MSRA: variants seen among roughly 807,000 people sequenced by gnomAD.
MSRA encodes methionine sulfoxide reductase A.
Under a neutral mutation model 31.3 loss-of-function variants are expected in MSRA, and 54 were observed. That is an observed-to-expected ratio of 1.73 (90% CI 1.39 to 2.17). The LOEUF (loss-of-function observed/expected upper bound fraction) is 2.17, where lower values mean the gene tolerates loss of function less well. MSRA is among the 30% of genes most tolerant of loss of function. MSRA has a pLI of 0.00. For missense variants in MSRA, 507 were observed against 300.9 expected, an observed-to-expected ratio of 1.69 and a Z score of -5.07; for synonymous variants, 169 against 116.5, an observed-to-expected ratio of 1.45 and a Z score of -2.90.
chr8:10,117,948 T>C (rs1800805925), intron 1 of MSRA, among the ~76,000 whole-genome samples: 1 of 152,132 alleles, frequency 6.6e-6, no homozygotes, highest in Non-Finnish European at 1.5e-5. Flanking sequence ...ATGCTGAAGG[T>C]AGAACATAAA....
At chr8:10,107,924 T>A (rs986278453) in intron 1 of MSRA, among the ~76,000 whole-genome samples, 1 of 152,152 alleles carries the variant, frequency 6.6e-6, no homozygotes, top group African/African-American at 2.4e-5. Flanking sequence ...TAGTTTGCCT[T>A]TACAGTGTTT....
At chr8:10,287,034 C>A (rs1002466317) in intron 3 of MSRA, among the ~76,000 whole-genome samples, 2 of 152,312 alleles carry the variant, frequency 1.3e-5, no homozygotes, top group South Asian at 4.1e-4. Context: ...GGCACAGTTT[C>A]CCAGCACTTC....
chr8:10,095,945 A>G (rs1209689476), intron 1 of MSRA: 42 of 1,356,072 alleles, frequency 3.1e-5, no homozygotes, highest in Non-Finnish European at 3.5e-5. Context: ...ATTTCTAATT[A>G]GAGGGAATAT....
At chr8:10,320,899 G>C (rs1400280780) in intron 5 of MSRA, among the ~76,000 whole-genome samples, 1 of 152,080 alleles carries the variant, frequency 6.6e-6, no homozygotes, top group Non-Finnish European at 1.5e-5. Flanking sequence ...AGTCATATTG[G>C]CTTAGTGCTA....
intron 3 of MSRA, among the ~76,000 whole-genome samples, chr8:10,261,176 T>C (rs1798461284): frequency 6.6e-6 from 1 of 152,218 alleles, no homozygotes; most frequent in Non-Finnish European, 1.5e-5. Flanking sequence ...TACCTTTTTA[T>C]TTATGGTAAA....
intron 5 of MSRA, among the ~76,000 whole-genome samples, chr8:10,423,519 G>A (rs1380392776): frequency 1.3e-5 from 2 of 152,122 alleles, no homozygotes; most frequent in Non-Finnish European, 2.9e-5. Context: ...GGCGGGGAGG[G>A]GGGGTGGCAG....
chr8:10,339,235 A>G (rs564251434), intron 5 of MSRA, among the ~76,000 whole-genome samples: 1 of 152,332 alleles, frequency 6.6e-6, no homozygotes, highest in East Asian at 1.9e-4. Flanking sequence ...TGCAGTTTGT[A>G]AAACTCTTAC....
chr8:10,224,635 C>T (rs1019685509), intron 2 of MSRA, among the ~76,000 whole-genome samples: 3 of 152,066 alleles, frequency 2.0e-5, no homozygotes, highest in African/African-American at 7.2e-5. Context: ...GCTGAGAGTC[C>T]CTCTACTGAC....
At chr8:10,122,248 C>G (rs1801177054) in intron 1 of MSRA, among the ~76,000 whole-genome samples, 1 of 152,032 alleles carries the variant, frequency 6.6e-6, no homozygotes, top group African/African-American at 2.4e-5. Flanking sequence ...TTCCTGAAAC[C>G]TGTGGAGGAA....
chr8:10,323,983 C>G (rs906135591), intron 5 of MSRA, among the ~76,000 whole-genome samples: 1 of 152,198 alleles, frequency 6.6e-6, no homozygotes, highest in Admixed American at 6.5e-5. Flanking sequence ...ATAAATAAAA[C>G]TGACCCTAGA....
At chr8:10,084,321 TTGCGGCCCTC>T (rs1798444107) in intron 1 of MSRA, among the ~76,000 whole-genome samples, 1 of 152,260 alleles carries the variant, frequency 6.6e-6, no homozygotes, top group African/African-American at 2.4e-5. Context: ...AGCTCCTGCT[TTGCGGCCCTC>T]TGCTGCCTGC....
At chr8:10,344,912 GTTC>G (rs764619858) in intron 5 of MSRA, among the ~76,000 whole-genome samples, 3 of 152,122 alleles carry the variant, frequency 2.0e-5, no homozygotes, top group Non-Finnish European at 2.9e-5. Flanking sequence ...AAAAATAATT[GTTC>G]TTGTGATTCT....
chr8:10,406,615 A>C (rs1388728946), intron 5 of MSRA, among the ~76,000 whole-genome samples: 3 of 152,242 alleles, frequency 2.0e-5, no homozygotes, highest in East Asian at 1.9e-4. Flanking sequence ...GGTGCTGGCC[A>C]GTCTGTTGCT....
At chr8:10,398,132 A>G (rs915139705) in intron 5 of MSRA, among the ~76,000 whole-genome samples, 1 of 152,234 alleles carries the variant, frequency 6.6e-6, no homozygotes, top group Non-Finnish European at 1.5e-5. Flanking sequence ...TACAATGGTA[A>G]CATTCATCAA....
chr8:10,213,561 C>T (rs554607038), intron 2 of MSRA, among the ~76,000 whole-genome samples: 65 of 151,638 alleles, frequency 4.3e-4, no homozygotes, highest in African/African-American at 1.5e-3. Flanking sequence ...CTCAGCTTCC[C>T]GAGTAGCTGG....
At chr8:10,389,215 G>A (rs11989029) in intron 5 of MSRA, among the ~76,000 whole-genome samples, 121,788 of 152,050 alleles carry the variant, frequency 0.8, 50,059 homozygotes, top group Non-Finnish European at 0.89. Flanking sequence ...TTGTATTTTT[G>A]AAAGTTTCCT....
At chr8:10,061,939 C>A (rs1797214550) in intron 1 of MSRA, among the ~76,000 whole-genome samples, 1 of 152,186 alleles carries the variant, frequency 6.6e-6, no homozygotes, top group South Asian at 2.1e-4. Context: ...CAGTGCAGTC[C>A]ACGTGGGGCC....
At chr8:10,252,047 GGCCATTCA>G (rs1281473236) in intron 3 of MSRA, among the ~76,000 whole-genome samples, 1 of 152,174 alleles carries the variant, frequency 6.6e-6, no homozygotes, top group Admixed American at 6.5e-5. Context: ...TGCTTGGAGA[GGCCATTCA>G]CAGCTTTCAG....
intron 1 of MSRA, among the ~76,000 whole-genome samples, chr8:10,133,445 G>A (rs184129493): frequency 4.7e-4 from 71 of 152,294 alleles, no homozygotes; most frequent in African/African-American, 1.6e-3. Context: ...GGACCAGGCC[G>A]TGGGCACAAA....
Sources: allele counts gnomAD v4.1 joint callset (sites outside exome capture counted in the v4.1 genomes callset), GRCh38; gene constraint gnomAD v4.1.1; transcripts MANE v1.5; gene names NCBI Gene and HGNC (gene_info 2026-07-23, HGNC 2026-07-21).